Variants in SRFBP1 observed in about 807,000 individuals in gnomAD.
SRFBP1 encodes the protein serum response factor binding protein 1.
Under a neutral mutation model 45.5 loss-of-function variants are expected in SRFBP1, and 47 were observed. The observed-to-expected ratio is 1.03, with a 90% CI of 0.82 to 1.32. SRFBP1 has a LOEUF of 1.32. SRFBP1 is among the 40% of genes most tolerant of loss of function. The pLI is 0.00. For missense variants in SRFBP1, 621 were observed against 484.6 expected, an observed-to-expected ratio of 1.28 and a Z score of -2.64; for synonymous variants, 203 against 166.3, an observed-to-expected ratio of 1.22 and a Z score of -1.70.
At chr5:122,000,008 T>C (rs1048019799) in intron 4 of SRFBP1, among the ~76,000 whole-genome samples, 3 of 152,112 alleles carry the variant, frequency 2.0e-5, no homozygotes, top group African/African-American at 7.2e-5. Context: ...ATATCTTTTT[T>C]GCTTTGTTTT....
At chr5:122,050,479 T>A (rs887234964) in intron 2 of SRFBP1, among the ~76,000 whole-genome samples, 6 of 152,204 alleles carry the variant, frequency 3.9e-5, no homozygotes, top group Non-Finnish European at 7.3e-5. Context: ...GGAGGTTGTA[T>A]GTGTCCAGGA....
chr5:122,005,180 T>C (rs1482215159), intron 4 of SRFBP1, among the ~76,000 whole-genome samples: 1 of 152,192 alleles, frequency 6.6e-6, no homozygotes, highest in Non-Finnish European at 1.5e-5. Context: ...AGGTATACTA[T>C]TAACCTGATG....
At chr5:122,011,193 T>G (rs770112859) in intron 4 of SRFBP1, among the ~76,000 whole-genome samples, 28 of 152,152 alleles carry the variant, frequency 1.8e-4, no homozygotes, top group Non-Finnish European at 3.8e-4. Context: ...AGAAGAGATC[T>G]TTTTCATTTT....
intron 4 of SRFBP1, among the ~76,000 whole-genome samples, chr5:122,018,616 T>C (rs1753233473): frequency 6.6e-6 from 1 of 152,226 alleles, no homozygotes; most frequent in Non-Finnish European, 1.5e-5. Context: ...TGTATCAGCT[T>C]AGAGCTCAGG....
At chr5:122,062,072 G>A (rs1165597534) in intron 2 of SRFBP1, among the ~76,000 whole-genome samples, 2 of 151,726 alleles carry the variant, frequency 1.3e-5, no homozygotes, top group Non-Finnish European at 2.9e-5. Flanking sequence ...ATAACAAAGT[G>A]GTTTCTTTAC....
At chr5:122,002,880 A>G (rs1752899729) in intron 4 of SRFBP1, among the ~76,000 whole-genome samples, 1 of 152,208 alleles carries the variant, frequency 6.6e-6, no homozygotes, top group African/African-American at 2.4e-5. Context: ...AAGCACTCTG[A>G]TGCTACATTT....
At chr5:121,976,502 A>C (rs907652975) in intron 3 of SRFBP1, among the ~76,000 whole-genome samples, 1 of 151,932 alleles carries the variant, frequency 6.6e-6, no homozygotes, top group Non-Finnish European at 1.5e-5. Flanking sequence ...TATGAGAAAT[A>C]AAATCTTTAG....
chr5:121,963,622 T>C (rs1751997113), intron 1 of SRFBP1, among the ~76,000 whole-genome samples: 1 of 152,186 alleles, frequency 6.6e-6, no homozygotes, highest in Non-Finnish European at 1.5e-5. Context: ...AGGTGTCTGT[T>C]CTTTGTGCAC....
intron 4 of SRFBP1, among the ~76,000 whole-genome samples, chr5:122,000,757 C>G (rs1173630747): frequency 1.1e-4 from 16 of 151,744 alleles, no homozygotes; most frequent in Non-Finnish European, 1.9e-4. Flanking sequence ...TTGTTTTTTG[C>G]TCTTTCTGGT....
At chr5:122,016,539 A>G (rs1228632704) in intron 4 of SRFBP1, among the ~76,000 whole-genome samples, 3 of 152,152 alleles carry the variant, frequency 2.0e-5, no homozygotes, top group Non-Finnish European at 2.9e-5. Context: ...GTAGGTCCCA[A>G]TATACTAATG....
Position 122,020,607 on chromosome 5 carries a change from G to C in SRFBP1, c.872G>C (p.Arg291Thr). 1.9e-6 allele frequency: 3 copies of C among 1,613,870 alleles called. No homozygotes were observed. Among genetic ancestry groups the C allele is most frequent in the Non-Finnish European group, 2.5e-6 (3 of 1,179,930 alleles). The change falls in exon 6 of 8, where the codon AGA becomes ACA. Residue 291 changes from arginine (R) to threonine (T), a missense_variant. By Grantham distance (71) the Arg-to-Thr change is moderately conservative. Transcript: ENST00000339397. ...GACGACTTCTTCATTGGGAAAGTCA[G>C]ACGGACACGAAAGAAGGAAAGTAGT... ...SGDDFFIGKV[R>T]RTRKKESSCH...
downstream of SRFBP1, among the ~76,000 whole-genome samples, chr5:122,032,404 C>T (rs73795209): frequency 3.2e-3 from 485 of 152,134 alleles, no homozygotes; most frequent in African/African-American, 0.011. Context: ...CGCCCGCCCC[C>T]TGTAAACAAT....
chr5:121,992,693 T>C (rs1291542819), intron 3 of SRFBP1, among the ~76,000 whole-genome samples: 1 of 152,142 alleles, frequency 6.6e-6, no homozygotes, highest in African/African-American at 2.4e-5. Flanking sequence ...TTGCGTATCA[T>C]ACTACTAGAA....
At chr5:121,973,846 G>A (rs1752249419) in intron 1 of SRFBP1, among the ~76,000 whole-genome samples, 2 of 151,654 alleles carry the variant, frequency 1.3e-5, no homozygotes, top group Admixed American at 6.6e-5. Context: ...TTTAACGGTG[G>A]GAATACAAAG....
chr5:122,004,830 T>C (rs1018390207), intron 4 of SRFBP1, among the ~76,000 whole-genome samples: 6 of 152,194 alleles, frequency 3.9e-5, no homozygotes, highest in Admixed American at 1.3e-4. Flanking sequence ...TCCCATAAGT[T>C]TTGGTATGTT....
chr5:122,015,706 C>T (rs1300284512), intron 4 of SRFBP1, among the ~76,000 whole-genome samples: 1 of 152,254 alleles, frequency 6.6e-6, no homozygotes, highest in Non-Finnish European at 1.5e-5. Context: ...AAATCAAATA[C>T]TTCTACAAGA....
At chr5:121,962,280 G>A (rs962480075) in intron 1 of SRFBP1, among the ~76,000 whole-genome samples, 10 of 152,190 alleles carry the variant, frequency 6.6e-5, no homozygotes, top group Non-Finnish European at 1.5e-4. Flanking sequence ...CAGGCCCCAC[G>A]AATTTATGTC....
chr5:121,997,761 A>G (rs1418952551), intron 4 of SRFBP1, among the ~76,000 whole-genome samples: 2 of 151,802 alleles, frequency 1.3e-5, no homozygotes, highest in African/African-American at 2.4e-5. Context: ...TTCGCAACCT[A>G]CTCATCTGAC....
downstream of SRFBP1, chr5:122,077,264 G>C (rs1754665591): frequency 5.8e-6 from 9 of 1,564,712 alleles, no homozygotes; most frequent in East Asian, 1.2e-4. The surrounding 1 kb of genome is among the most constrained non-coding windows in gnomAD (Gnocchi z 4.9). Flanking sequence ...TGCGAGGACC[G>C]GGGCCCGCCG....
Sources: allele counts gnomAD v4.1 joint callset (sites outside exome capture counted in the v4.1 genomes callset), GRCh38; gene constraint gnomAD v4.1.1; non-coding constraint Gnocchi (gnomAD v3.1); transcripts MANE v1.5; gene names NCBI Gene and HGNC (gene_info 2026-07-23, HGNC 2026-07-21).